KLHL25: variants seen among roughly 807,000 people sequenced by gnomAD.
KLHL25 encodes kelch like family member 25.
Under a neutral mutation model 30.0 loss-of-function variants are expected in KLHL25, and 41 were observed. The observed-to-expected ratio is 1.37, with a 90% CI of 1.07 to 1.78. The LOEUF is 1.78. KLHL25 is among the 40% of genes most tolerant of loss of function. The pLI is 0.00. For missense variants in KLHL25, 971 were observed against 824.5 expected (o/e 1.18, Z -2.18); for synonymous variants, 399 against 355.3 (o/e 1.12, Z -1.38).
In KLHL25 at chr15:85,769,816, G is replaced by A. The variant is rs775177033; in HGVS notation, c.-6C>T. 2.1e-5 allele frequency: 33 copies of A among 1,601,824 alleles called. No homozygotes were observed. In the African/African-American group the frequency reaches 2.8e-4, roughly 14 times the overall value. ...TCATGGACACTGACCGACATGGTGC[G>A]TCAGCTTGTGGGGGAACAAGCCCAC... On this transcript the variant is annotated 5_prime_UTR_variant, in exon 2 of 3. In the 5' UTR this introduces an upstream ATG that the reference lacks. Coordinates refer to ENST00000337975, the MANE Select transcript of KLHL25 (RefSeq NM_022480.4).
chr15:85,765,759 G>A (rs1223943357), intron 2 of KLHL25, among the ~76,000 whole-genome samples: 1 of 151,522 alleles, frequency 6.6e-6, no homozygotes, highest in African/African-American at 2.4e-5. Context: ...TTGAACCTGG[G>A]AGGTGGAGGT....
chr15:85,767,741 C>T (rs12324721), intron 2 of KLHL25, among the ~76,000 whole-genome samples: 26,062 of 152,208 alleles, frequency 0.17, 2,588 homozygotes, highest in Non-Finnish European at 0.24. Context: ...CAAAAGGTCC[C>T]TGGGTGATTC....
rs1314173376 is a variant in KLHL25 at position 85,793,383 on chromosome 15, C to T, written c.-11+1383G>A. On this transcript the variant is annotated intron_variant, in intron 1 of 2. Transcript: ENST00000337975. ...CTCAAAACTGAAATAGCTGCCAGGC[C>T]GGAAAAAGACTGACTACGTCAACCT... Among the ~76,000 whole-genome samples the T allele has an allele frequency of 2.0e-5, 3 of 152,222 alleles. No homozygotes were observed. The South Asian group carries it at 6.2e-4, about 32-fold the overall frequency.
intron 1 of KLHL25, among the ~76,000 whole-genome samples, chr15:85,776,546 C>G (rs541932763): frequency 1.3e-5 from 2 of 152,080 alleles, no homozygotes; most frequent in Admixed American, 1.3e-4. Flanking sequence ...TTGTATAGAT[C>G]TTGTTATTTA....
At position 85,784,539 on chromosome 15, in the gene KLHL25, T is replaced by TA. The variant is rs1323797648; in HGVS notation, c.-11+10226dup. On this transcript the variant is annotated intron_variant, in intron 1 of 2. Transcript: ENST00000337975. ...CAGCGAAACTCCATCTCAAAAAAAA[T>TA]AAAAAAATAAAAAAAAAAGCAGAGT... Among the ~76,000 whole-genome samples, 8 of 113,042 alleles carry TA rather than the reference T, an allele frequency of 7.1e-5. No homozygotes were observed. In the South Asian group the frequency reaches 1.9e-3, roughly 27 times the overall value. 74.2% of individuals were successfully genotyped at this position (113,042 alleles called of 152,430 possible).
At chr15:85,776,341 T>C (rs1311650886) in intron 1 of KLHL25, among the ~76,000 whole-genome samples, 2 of 151,684 alleles carry the variant, frequency 1.3e-5, no homozygotes, top group South Asian at 2.1e-4. Context: ...GTATAAAAAT[T>C]AGCTGGGCAT....
chr15:85,779,624 C>T (rs926639437), intron 1 of KLHL25, among the ~76,000 whole-genome samples: 8 of 152,174 alleles, frequency 5.3e-5, no homozygotes, highest in African/African-American at 1.9e-4. Flanking sequence ...TAAATTATTG[C>T]AGTTACAGAA....
At chr15:85,773,197 C>G (rs1400486156) in intron 1 of KLHL25, among the ~76,000 whole-genome samples, 1 of 152,224 alleles carries the variant, frequency 6.6e-6, no homozygotes, top group Non-Finnish European at 1.5e-5. Flanking sequence ...ACCTCAACAC[C>G]CAGGACAGAT....
At chr15:85,765,935 T>C (rs1229298368) in intron 2 of KLHL25, among the ~76,000 whole-genome samples, 1 of 152,172 alleles carries the variant, frequency 6.6e-6, no homozygotes, top group African/African-American at 2.4e-5. Context: ...GTTCACCAAC[T>C]TGATGCTTAT....
chr15:85,774,727 A>G (rs1257967171), intron 1 of KLHL25, among the ~76,000 whole-genome samples: 1 of 152,052 alleles, frequency 6.6e-6, no homozygotes, highest in Middle Eastern at 3.2e-3. Context: ...CAGGATGGGG[A>G]AACGAGAGAG....
chr15:85,767,927 C>A lies in KLHL25; in HGVS notation c.*24+90G>T, dbSNP rs187781078. On this transcript the variant is annotated intron_variant, in intron 2 of 2. Coordinates refer to ENST00000337975, the MANE Select transcript of KLHL25 (RefSeq NM_022480.4). ...CCCACCCAGACTTCCCTGGAAGACA[C>A]GGTGACCTTCACCCAGTGGGAAGAG... 3 of 841,536 alleles carry A rather than the reference C, an allele frequency of 3.6e-6. No individual in the cohort carries two copies. In the Admixed American group the frequency reaches 8.5e-5, roughly 24 times the overall value. The allele number at this position is 841,536 out of a possible 1,614,324, so 52.1% of individuals were successfully genotyped here.
rs370631277 is a variant in KLHL25 at position 85,769,000 on chromosome 15, G to A, written c.811C>T (p.Arg271Cys). 3.0e-5 allele frequency: 48 copies of A among 1,611,798 alleles called. No individual in the cohort carries two copies. Among genetic ancestry groups the A allele is most frequent in the Non-Finnish European group, 3.8e-5 (45 of 1,179,798 alleles). ...RTKLIMDEAL[R>C]CKTRILQNDG... ...TTCTGCAGGATCCTGGTCTTGCAGC[G>A]CAGGGCCTCATCCATGATAAGCTTG... The change falls in exon 2 of 3, where the codon CGC (arginine) becomes TGC (cysteine). Residue 271 changes from arginine (R) to cysteine (C), a missense_variant. Coordinates refer to ENST00000337975, the MANE Select transcript of KLHL25 (RefSeq NM_022480.4).
chr15:85,769,746 A>C lies in KLHL25; in HGVS notation c.65T>G (p.Leu22Arg), dbSNP rs776210210. ...GTCCGGGTGGGAGGCCTTGTGGAAG[A>C]GGGTGACGTTCATGGACCCCGTGCT... ...RSSTGSMNVT[L>R]FHKASHPDCV... The change falls in exon 2 of 3, where the codon CTC (leucine) becomes CGC (arginine). Residue 22 changes from leucine to arginine, a missense_variant. By Grantham distance (102) the Leu-to-Arg change is moderately radical. Transcript: ENST00000337975. 2 of 1,613,698 alleles carry C rather than the reference A, an allele frequency of 1.2e-6. No individual in the cohort carries two copies. The highest frequency in any genetic ancestry group is 1.7e-6 in the Non-Finnish European group (2 of 1,180,032).
intron 2 of KLHL25, chr15:85,762,855 T>C (rs1224235875): frequency 1.3e-5 from 2 of 152,286 alleles, no homozygotes; most frequent in African/African-American, 4.8e-5. Context: ...GAGAATGTAC[T>C]GTACTGTCCC....
chr15:85,782,925 G>A (rs1191523163), intron 1 of KLHL25, among the ~76,000 whole-genome samples: 2 of 152,024 alleles, frequency 1.3e-5, no homozygotes, highest in African/African-American at 2.4e-5. Context: ...ACCTAGAATC[G>A]ATTAGATGCT....
Position 85,768,887 on chromosome 15 carries a change from G to A in KLHL25, c.924C>T (p.Asp308=), listed in dbSNP as rs377145491. The change falls in exon 2 of 3, where the codon GAC becomes GAT. Residue 308 remains aspartate, a synonymous_variant. Transcript: ENST00000337975. ...CCTTGTGGTCCACCTGGTAGATCTT[G>A]TCACACATGAAGGTCTGGCCCCCCA... ...LILGGQTFMC[D]KIYQVDHKAK... 4.3e-6 allele frequency: 7 copies of A among 1,613,250 alleles called. No homozygotes were observed. The Admixed American group carries it at 1.2e-4, about 27-fold the overall frequency.
At chr15:85,775,864 TAAAAAA>T (rs10535328) in intron 1 of KLHL25, among the ~76,000 whole-genome samples, 4 of 89,062 alleles carry the variant, frequency 4.5e-5, no homozygotes, top group African/African-American at 1.4e-4. Context: ...ATGGCTCGTT[TAAAAAA>T]AAAAAAAAAA....
intron 2 of KLHL25, among the ~76,000 whole-genome samples, chr15:85,765,964 T>G (rs2089621529): frequency 6.6e-6 from 1 of 152,232 alleles, no homozygotes; most frequent in Admixed American, 6.5e-5. Context: ...CCTCCTTGCC[T>G]GCCACCATGT....
chr15:85,773,236 G>A (rs901207434), intron 1 of KLHL25, among the ~76,000 whole-genome samples: 1 of 152,134 alleles, frequency 6.6e-6, no homozygotes, highest in Admixed American at 6.5e-5. Context: ...TGACTTGATG[G>A]CATGGACCTG....
Sources: gnomAD v4.1 joint callset for allele counts (sites outside exome capture counted in the v4.1 genomes callset) on GRCh38, gnomAD v4.1.1 for gene constraint, MANE v1.5 for transcripts, NCBI Gene and HGNC (gene_info 2026-07-23, HGNC 2026-07-21) for gene names.